Variants in ANAPC16 observed in about 807,000 individuals in gnomAD.
ANAPC16 encodes anaphase-promoting complex subunit 16.
ANAPC16 carries 6 observed loss-of-function variants against 13.1 expected under a neutral mutation model. The observed-to-expected ratio is 0.46, with a 90% CI of 0.25 to 0.90. ANAPC16 has a LOEUF of 0.90. Ranked by LOEUF, ANAPC16 falls within the 40% of genes least tolerant of loss-of-function variation. The pLI is 0.18. For missense variants in ANAPC16, 113 were observed against 131.1 expected, an observed-to-expected ratio of 0.86 and a Z score of 0.67; for synonymous variants, 55 against 51.3, an observed-to-expected ratio of 1.07 and a Z score of -0.31.
In ANAPC16 at chr10:72,218,160, AAAAAAATATATATATATATATAT is replaced by A. The variant is rs1308226142; in HGVS notation, c.-28+2024_-28+2046del. Among the ~76,000 whole-genome samples, 152 of 39,148 alleles carry A rather than the reference AAAAAAATATATATATATATATAT, an allele frequency of 3.9e-3. 6 individuals carry two copies. The highest frequency in any genetic ancestry group is 0.011 in the Middle Eastern group (1 of 94). The allele number at this position is 39,148 out of a possible 152,430, so 25.7% of individuals were successfully genotyped here. A position where few individuals can be genotyped will look rare whatever the true frequency, so the allele number is the denominator to read the frequency against. On this transcript the variant is annotated intron_variant, in intron 1 of 3. Coordinates refer to ENST00000299381, the MANE Select transcript of ANAPC16 (RefSeq NM_173473.4). The stretch of plus-strand genomic sequence containing the variant: ...AACTCTGTCTCAAAAAAAAAAAAAA[AAAAAAATATATATATATATATAT>A]ATATATATATATATATATATATATA...
At chr10:72,219,572 C>CA (rs1466319509) in intron 1 of ANAPC16, among the ~76,000 whole-genome samples, 10 of 152,078 alleles carry the variant, frequency 6.6e-5, no homozygotes, top group Admixed American at 2.6e-4. Context: ...TTCCTCTCTA[C>CA]AAAAAATAAA....
intron 1 of ANAPC16, among the ~76,000 whole-genome samples, chr10:72,218,984 G>A (rs1464200987): frequency 6.6e-6 from 1 of 152,244 alleles, no homozygotes; most frequent in Non-Finnish European, 1.5e-5. Context: ...GCTACCTTTT[G>A]AAGCTGTCCT....
At chr10:72,226,262 G>C (rs1264903865) in intron 2 of ANAPC16, among the ~76,000 whole-genome samples, 1 of 151,782 alleles carries the variant, frequency 6.6e-6, no homozygotes, top group African/African-American at 2.4e-5. Context: ...CAAATGATCT[G>C]CCCACCTCAG....
chr10:72,230,362 G>A lies in ANAPC16; in HGVS notation c.143-4G>A, dbSNP rs777785281. ...ATTAAAACCTTTTCTCCTTTTGTTT[G>A]TAGATGGCTCTGAGAGATTCCTCTG... On this transcript the variant is annotated splice_polypyrimidine_tract_variant and splice_region_variant and intron_variant, in intron 2 of 3. Coordinates refer to ENST00000299381, the MANE Select transcript of ANAPC16 (RefSeq NM_173473.4). 1.2e-6 allele frequency: 2 copies of A among 1,613,480 alleles called. No individual in the cohort carries two copies.
At chr10:72,216,396 A>G (rs1372152050) in intron 1 of ANAPC16, 2 of 176,060 alleles carry the variant, frequency 1.1e-5, no homozygotes, top group Non-Finnish European at 2.4e-5. Flanking sequence ...AAAAGTGGCT[A>G]GGAGTTAGCT....
chr10:72,216,267 G>C (rs1859290478), intron 1 of ANAPC16, 129 bp downstream of exon 1: 1 of 158,632 alleles, frequency 6.3e-6, no homozygotes, highest in Non-Finnish European at 1.4e-5. Flanking sequence ...TGCAGCAGAC[G>C]TGCGATAGGA....
At chr10:72,217,676 A>G (rs186788932) in intron 1 of ANAPC16, among the ~76,000 whole-genome samples, 4 of 152,066 alleles carry the variant, frequency 2.6e-5, no homozygotes, top group African/African-American at 9.7e-5. Flanking sequence ...TCCGTTAATG[A>G]CTTTGAATAG....
Position 72,224,033 on chromosome 10 carries a change from A to G in ANAPC16, c.119A>G (p.Lys40Arg), listed in dbSNP as rs1300050657. The change falls in exon 2 of 4, where the codon AAA becomes AGA. Residue 40 changes from lysine (K) to arginine (R), a missense_variant. By Grantham distance (26) the Lys-to-Arg change is conservative. Transcript: ENST00000299381. ...PPRKALFTYP[K>R]GAGEMLEDGS... is the part of the protein sequence containing the mutation. ...CGGAAAGCCCTTTTCACCTACCCCA[A>G]AGGAGCTGGAGAGATGTTAGAAGGT... 1.2e-6 allele frequency: 2 copies of G among 1,609,842 alleles called. No homozygotes were observed. Among genetic ancestry groups the G allele is most frequent in the Non-Finnish European group, 8.5e-7 (1 of 1,176,676 alleles).
intron 3 of ANAPC16, among the ~76,000 whole-genome samples, chr10:72,230,908 TC>T (rs2133692967): frequency 6.6e-6 from 1 of 152,172 alleles, no homozygotes; most frequent in East Asian, 1.9e-4. Flanking sequence ...AAGTTGGTCC[TC>T]CAGGGAGTCA....
intron 3 of ANAPC16, among the ~76,000 whole-genome samples, chr10:72,231,041 A>G (rs7080990): frequency 0.052 from 7,979 of 152,152 alleles, 478 homozygotes; most frequent in East Asian, 0.16. Flanking sequence ...TGGTCTGTCT[A>G]TACTCTAACA....
intron 2 of ANAPC16, 103 bp from the exon 3 acceptor site, chr10:72,230,263 C>G: frequency 1.2e-6 from 1 of 821,562 alleles, no homozygotes; most frequent in Non-Finnish European, 2.0e-6. Context: ...AGAACTAGAC[C>G]CTGAATGTAC....
intron 1 of ANAPC16, among the ~76,000 whole-genome samples, chr10:72,218,459 A>G (rs1318915770): frequency 2.6e-5 from 4 of 152,024 alleles, no homozygotes; most frequent in Non-Finnish European, 5.9e-5. Context: ...CATACCAACA[A>G]GCCATTGCTT....
At chr10:72,226,806 T>C (rs980821584) in intron 2 of ANAPC16, among the ~76,000 whole-genome samples, 1 of 152,224 alleles carries the variant, frequency 6.6e-6, no homozygotes, top group Non-Finnish European at 1.5e-5. Flanking sequence ...TCTGGGACCA[T>C]AGAGCTCCCT....
At position 72,223,972 on chromosome 10, in the gene ANAPC16, G is replaced by A; in HGVS notation, c.58G>A (p.Gly20Arg). The stretch of plus-strand genomic sequence containing the variant: ...TGGGGTCAGTGGAAGTTCTGTCACT[G>A]GATCTGGTTTCAGTGTCTCAGACCT... Reference protein sequence around the residue: ...AGGVSGSSVTGSGFSVSDLAP... With the variant: ...AGGVSGSSVTRSGFSVSDLAP... The change falls in exon 2 of 4, where the codon GGA becomes AGA. Residue 20 changes from glycine to arginine, a missense_variant. Transcript: ENST00000299381. The A allele has an allele frequency of 1.9e-6, 3 of 1,612,154 alleles. No individual in the cohort carries two copies. Among genetic ancestry groups the A allele is most frequent in the Non-Finnish European group, 2.5e-6 (3 of 1,178,492 alleles).
rs142932037 is a variant in ANAPC16 at position 72,218,145 on chromosome 10, C to CAAAAAAAAAAAA, written c.-28+2017_-28+2028dup. Among the ~76,000 whole-genome samples the CAAAAAAAAAAAA allele has an allele frequency of 1.1e-4, 4 of 34,876 alleles. 1 individual carries two copies. The highest frequency in any genetic ancestry group is 7.1e-4 in the African/African-American group (3 of 4,216). 22.9% of individuals were successfully genotyped at this position (34,876 alleles called of 152,430 possible). On this transcript the variant is annotated intron_variant, in intron 1 of 3. Transcript: ENST00000299381. ...GGGCAACAAGAGTGAAACTCTGTCT[C>CAAAAAAAAAAAA]AAAAAAAAAAAAAAAAAAAAATATA...
intron 1 of ANAPC16, chr10:72,220,862 A>G (rs1329975561): frequency 6.6e-6 from 1 of 151,882 alleles, no homozygotes; most frequent in African/African-American, 2.4e-5. Flanking sequence ...AAAAAAAAAA[A>G]AAACTCAGCT....
chr10:72,218,652 AT>A (rs760786853), intron 1 of ANAPC16, among the ~76,000 whole-genome samples: 24 of 152,144 alleles, frequency 1.6e-4, no homozygotes, highest in Non-Finnish European at 1.8e-4. Context: ...GCCAGGTGTT[AT>A]GTTTGGTTCT....
rs555160587 is a variant in ANAPC16 at position 72,223,752 on chromosome 10, G to A, written c.-27-136G>A. 8.0e-5 allele frequency: 49 copies of A among 610,736 alleles called. No individual in the cohort carries two copies. The African/African-American group carries it at 9.0e-4, about 11-fold the overall frequency. The allele number at this position is 610,736 out of a possible 1,614,324, so 37.8% of individuals were successfully genotyped here. A position where few individuals can be genotyped will look rare whatever the true frequency, so the allele number is the denominator to read the frequency against. ...TGGCCTGAGACATCAATAAAATATTGTGAAAGTAGAGAGCATAGAAAAAAG... is the reference window on the plus strand; with the variant it reads ...TGGCCTGAGACATCAATAAAATATTATGAAAGTAGAGAGCATAGAAAAAAG... On this transcript the variant is annotated intron_variant, in intron 1 of 3. Transcript: ENST00000299381.
intron 2 of ANAPC16, among the ~76,000 whole-genome samples, chr10:72,226,189 T>A (rs527326124): frequency 3.8e-4 from 57 of 151,746 alleles, no homozygotes; most frequent in African/African-American, 1.1e-3. Context: ...CTAATTTTTT[T>A]AATATTTTTA....
Sources: gnomAD v4.1 joint callset for allele counts (sites outside exome capture counted in the v4.1 genomes callset) on GRCh38, gnomAD v4.1.1 for gene constraint, MANE v1.5 for transcripts, NCBI Gene and HGNC (gene_info 2026-07-23, HGNC 2026-07-21) for gene names.